The following SYNE1 variants were observed in gnomAD, a reference collection of about 807,000 sequenced individuals.
The protein encoded by SYNE1 is spectrin repeat containing nuclear envelope protein 1, also known as nesprin-1.
SYNE1 carries 616 observed loss-of-function variants against 1,111.0 expected under a neutral mutation model. The observed-to-expected ratio is 0.55, with a 90% confidence interval of 0.52 to 0.59. SYNE1 has a LOEUF of 0.59. Among genes scored for constraint, SYNE1 ranks in the 20% least tolerant of loss-of-function variants. The pLI is 0.00. For missense variants in SYNE1, 10,006 were observed against 10,417.0 expected, an observed-to-expected ratio of 0.96 and a Z score of 1.72; for synonymous variants, 3,855 against 3,825.8, an observed-to-expected ratio of 1.01 and a Z score of -0.28.
At chr6:152,606,687 G>A (rs1373666389) in intron 3 of SYNE1, among the ~76,000 whole-genome samples, 1 of 151,258 alleles carries the variant, frequency 6.6e-6, no homozygotes, top group Non-Finnish European at 1.5e-5. Context: ...TGGCTCTGTC[G>A]CCCAGGCTGG....
intron 114 of SYNE1, 34 bp downstream of exon 114, chr6:152,231,357 T>C: frequency 1.2e-6 from 2 of 1,613,324 alleles, no homozygotes; most frequent in Non-Finnish European, 1.7e-6. Flanking sequence ...GGGGTTTTCA[T>C]GTAAATCTGG....
Position 152,323,614 on chromosome 6 carries a change from G to A in SYNE1, c.15781C>T (p.Leu5261=). 6.2e-7 allele frequency: 1 copy of A among 1,614,224 alleles called. No individual in the cohort carries two copies. The highest frequency in any genetic ancestry group is 1.1e-5 in the South Asian group (1 of 91,082). The part of the protein sequence containing the change: ...LEYHDTFVLE[L]EQQQSALGML... ...CCCAAGGCCGACTGCTGCTGCTCCA[G>A]CTCCAGAACGAACGTGTCGTGGTAT... The change falls in exon 82 of 146, where the codon CTG becomes TTG. Residue 5261 remains leucine (L), a synonymous_variant. Transcript: ENST00000367255.
rs148166574 is a variant in SYNE1 at position 152,229,865 on chromosome 6, G to A, written c.21195+682C>T. Among the ~76,000 whole-genome samples the A allele has an allele frequency of 6.6e-3, 1,009 of 152,188 alleles. 12 individuals are homozygous for A. The highest frequency in any genetic ancestry group is 0.023 in the African/African-American group (973 of 41,510). ...GACAACCGAGGAAATAGGATTATGCGTTGAACATAAAATAATATTAGAAAT... is the reference window on the plus strand; with the variant it reads ...GACAACCGAGGAAATAGGATTATGCATTGAACATAAAATAATATTAGAAAT... On this transcript the variant is annotated intron_variant, in intron 115 of 145. Coordinates refer to ENST00000367255, the MANE Select transcript of SYNE1 (RefSeq NM_182961.4).
intron 138 of SYNE1, 149 bp downstream of exon 138, chr6:152,143,474 G>C (rs1045836670): frequency 2.6e-6 from 3 of 1,150,690 alleles, no homozygotes; most frequent in African/African-American, 3.0e-5. Context: ...CTTAATAACA[G>C]GGCTTGGCTT....
chr6:152,521,021 A>T (rs1199846327), intron 5 of SYNE1, among the ~76,000 whole-genome samples: 2 of 152,192 alleles, frequency 1.3e-5, no homozygotes, highest in African/African-American at 4.8e-5. Flanking sequence ...ATCTGACTAC[A>T]TTGAGGGCAC....
intron 74 of SYNE1, among the ~76,000 whole-genome samples, chr6:152,340,532 C>G (rs1459108901): frequency 2.0e-5 from 3 of 152,206 alleles, no homozygotes; most frequent in African/African-American, 7.2e-5. Context: ...GTTGTAACAA[C>G]CAACAACGTG....
In SYNE1 at chr6:152,234,735, C is replaced by T; in HGVS notation, c.20462G>A (p.Trp6821Ter). The T allele has an allele frequency of 1.2e-6, 2 of 1,614,158 alleles. No individual in the cohort carries two copies. Among genetic ancestry groups the T allele is most frequent in the Non-Finnish European group, 1.7e-6 (2 of 1,180,016 alleles). Residue 6821 changes from tryptophan (W) to a stop codon, truncating the protein, a stop_gained, in exon 111 of 146, where the codon TGG (tryptophan) becomes TAG (stop). Transcript: ENST00000367255. LOFTEE classifies it high-confidence loss of function. The stretch of plus-strand genomic sequence containing the variant: ...TGGGACTGTCACAGATTGCTGAGTC[C>T]AAAATTCTAGCCGGTCTTTTGCAGA... ...LQSAKDRLEF[W>*]TQQSVTVPQE...
In SYNE1 at chr6:152,376,518, G is replaced by C; in HGVS notation, c.9187C>G (p.Gln3063Glu). Residue 3063 changes from glutamine to glutamate, a missense_variant, in exon 58 of 146, where the codon CAG becomes GAG. By Grantham distance (29) the Gln-to-Glu change is conservative. Transcript: ENST00000367255. ...TTTCGAAATCTTTGCTGTAAAATCT[G>C]TTCTTTATTCTGGCAGCCCTTGGAT... ...QASKGCQNKEQILQQRFRKAF... is the reference protein window; with the variant it reads ...QASKGCQNKEEILQQRFRKAF... 3 of 1,614,072 alleles carry C rather than the reference G, an allele frequency of 1.9e-6. No individual in the cohort carries two copies. The highest frequency in any genetic ancestry group is 1.1e-5 in the South Asian group (1 of 91,082).
rs199540549 is a variant in SYNE1 at position 152,435,242 on chromosome 6, T to C, written c.4310+699A>G. The C allele has an allele frequency of 9.9e-5, 15 of 152,272 alleles. No homozygotes were observed. In the East Asian group the frequency reaches 2.9e-3, roughly 29 times the overall value. The allele number at this position is 152,272 out of a possible 1,614,324, so 9.4% of individuals were successfully genotyped here. A position where few individuals can be genotyped will look rare whatever the true frequency, so the allele number is the denominator to read the frequency against. On this transcript the variant is annotated intron_variant, in intron 33 of 145. Transcript: ENST00000367255. Reference sequence around the variant, plus strand: ...AATATGCTATTATGTATCATTGATTTGCCACTAAATTATGTTAAAAATAGA... The same window carrying C: ...AATATGCTATTATGTATCATTGATTCGCCACTAAATTATGTTAAAAATAGA...
chr6:152,329,783 C>G lies in SYNE1; in HGVS notation c.14902G>C (p.Ala4968Pro). ...TCTCCATCCAGCTCTGAGAGCTCAG[C>G]GAGGCTGTGTTCTAAATCCGCAGAA... The part of the protein sequence containing the change: ...LISADLEHSL[A>P]ELSELDGDIQ... Residue 4968 changes from alanine to proline, a missense_variant, in exon 78 of 146, where the codon GCT (alanine) becomes CCT (proline). Coordinates refer to ENST00000367255, the MANE Select transcript of SYNE1 (RefSeq NM_182961.4). 1 of 1,614,188 alleles carries G rather than the reference C, an allele frequency of 6.2e-7. No individual in the cohort carries two copies. Among genetic ancestry groups the G allele is most frequent in the Non-Finnish European group, 8.5e-7 (1 of 1,180,040 alleles).
intron 139 of SYNE1, among the ~76,000 whole-genome samples, chr6:152,140,688 T>A (rs1240878592): frequency 1.3e-5 from 2 of 151,724 alleles, no homozygotes; most frequent in African/African-American, 4.8e-5. Flanking sequence ...TAATAATAAA[T>A]GAAACATGGG....
At chr6:152,333,986 C>T in intron 77 of SYNE1, 22 bp downstream of exon 77, 1 of 1,614,070 alleles carries the variant, frequency 6.2e-7, no homozygotes, top group South Asian at 1.1e-5. Context: ...ATTTTGGTGA[C>T]CCATGGGAGA....
At chr6:152,524,086 T>C (rs2099152764) in intron 5 of SYNE1, among the ~76,000 whole-genome samples, 1 of 152,184 alleles carries the variant, frequency 6.6e-6, no homozygotes, top group African/African-American at 2.4e-5. Context: ...CAGTAATATG[T>C]TTAAAAGAAG....
rs2056758526 is a variant in SYNE1, at chr6:152,135,095, A to G, written c.25788+9T>C. Reference sequence around the variant, plus strand: ...ATAACTGGAGGCTGCCAGAGTTCACACATCTTACCATAAGCTGTTTGTGAT... The same window carrying G: ...ATAACTGGAGGCTGCCAGAGTTCACGCATCTTACCATAAGCTGTTTGTGAT... On this transcript the variant is annotated intron_variant, in intron 142 of 145. Transcript: ENST00000367255. The G allele has an allele frequency of 3.1e-6, 5 of 1,614,030 alleles. No homozygotes were observed. Among genetic ancestry groups the G allele is most frequent in the Non-Finnish European group, 4.2e-6 (5 of 1,180,022 alleles).
Position 152,284,274 on chromosome 6 carries a change from T to C in SYNE1, c.18013-102A>G. The C allele has an allele frequency of 4.2e-6, 5 of 1,202,790 alleles. No individual in the cohort carries two copies. In the South Asian group the frequency reaches 6.5e-5, roughly 16 times the overall value. 74.5% of individuals were successfully genotyped at this position (1,202,790 alleles called of 1,614,324 possible). A position where few individuals can be genotyped will look rare whatever the true frequency, so the allele number is the denominator to read the frequency against. ...CATCCATTGGGATTAGCGGAAGAGA[T>C]TTCACCTGGGAATCATTAATCAATC... On this transcript the variant is annotated intron_variant, in intron 95 of 145. Coordinates refer to ENST00000367255, the MANE Select transcript of SYNE1 (RefSeq NM_182961.4).
chr6:152,537,703 G>T (rs754737939), intron 4 of SYNE1, among the ~76,000 whole-genome samples: 2 of 152,004 alleles, frequency 1.3e-5, no homozygotes, highest in Admixed American at 1.3e-4. Flanking sequence ...ATATACAATC[G>T]TGTCATCTGC....
intron 95 of SYNE1, among the ~76,000 whole-genome samples, chr6:152,286,738 C>T (rs2094350610): frequency 6.6e-6 from 1 of 151,686 alleles, no homozygotes; most frequent in Non-Finnish European, 1.5e-5. Context: ...AGCAAATAAT[C>T]TGTTCCCACT....
chr6:152,632,680 G>A (rs1047583540), intron 2 of SYNE1, among the ~76,000 whole-genome samples: 5 of 152,114 alleles, frequency 3.3e-5, no homozygotes, highest in African/African-American at 1.2e-4. Flanking sequence ...ATCTCTTACT[G>A]TGCACGCAGG....
intron 39 of SYNE1, among the ~76,000 whole-genome samples, chr6:152,421,207 G>A (rs888102622): frequency 6.6e-6 from 1 of 152,172 alleles, no homozygotes; most frequent in Non-Finnish European, 1.5e-5. Flanking sequence ...GGAATCTCAA[G>A]TTATATTAGG....
Sources: gnomAD v4.1 joint callset for allele counts (sites outside exome capture counted in the v4.1 genomes callset) on GRCh38, gnomAD v4.1.1 for gene constraint, MANE v1.5 for transcripts, NCBI Gene and HGNC (gene_info 2026-07-23, HGNC 2026-07-21) for gene names.